ANKHD1: variants seen among roughly 807,000 people sequenced by gnomAD.
ANKHD1 encodes the protein ankyrin repeat and KH domain-containing protein 1.
ANKHD1 carries 31 observed loss-of-function variants against 230.5 expected under a neutral mutation model. That is an observed-to-expected ratio of 0.13 (90% CI 0.10 to 0.18). ANKHD1 has a LOEUF of 0.18. Ranked by LOEUF, ANKHD1 falls within the 10% of genes least tolerant of loss-of-function variation. The pLI is 1.00. For synonymous variants in ANKHD1, 1,074 were observed against 1,117.6 expected (o/e 0.96, Z 0.78); for missense variants, 2,256 against 3,071.3 (o/e 0.73, Z 6.27).
Position 140,402,016 on chromosome 5 carries a change from G to A in ANKHD1, c.49G>A (p.Asp17Asn). Residue 17 changes from aspartate to asparagine, a missense_variant, in exon 1 of 34, where the codon GAC becomes AAC. Asp to Asn is a conservative substitution (Grantham distance 23, BLOSUM62 1). Around this residue, in one of 13 missense-constraint regions of ANKHD1, gnomAD observed 193 missense variants for 185.8 expected, o/e 1.04. Transcript: ENST00000360839. ...CGGCACCTCCTTTGAGGAGGACCTG[G>A]ACTCTGTGGCTCCGCGATCCGCCCC... ...GGGTSFEEDL[D>N]SVAPRSAPAG... 2.0e-6 allele frequency: 3 copies of A among 1,524,034 alleles called. No homozygotes were observed. The highest frequency in any genetic ancestry group is 8.8e-7 in the Non-Finnish European group (1 of 1,142,796). 94.4% of individuals were successfully genotyped at this position (1,524,034 alleles called of 1,614,324 possible). A position where few individuals can be genotyped will look rare whatever the true frequency, so the allele number is the denominator to read the frequency against.
chr5:140,510,106 G>A lies in ANKHD1; in HGVS notation c.4029G>A (p.Leu1343=), dbSNP rs1282540865. Residue 1343 remains leucine (L), a synonymous_variant, in exon 22 of 34, where the codon TTG becomes TTA. Coordinates refer to ENST00000360839, the MANE Select transcript of ANKHD1 (RefSeq NM_017747.3). ...GAGGTCATTTTGATGTTGTGCAGTTGCTAGTGCAAGCAGGTGCTGATGTGG... is the reference window on the plus strand; with the variant it reads ...GAGGTCATTTTGATGTTGTGCAGTTACTAGTGCAAGCAGGTGCTGATGTGG... The part of the protein sequence containing the change: ...SNGGHFDVVQ[L]LVQAGADVDA... The A allele has an allele frequency of 1.2e-6, 2 of 1,613,972 alleles. No individual in the cohort carries two copies. Among genetic ancestry groups the A allele is most frequent in the Non-Finnish European group, 1.7e-6 (2 of 1,180,008 alleles).
At position 140,525,576 on chromosome 5, in the gene ANKHD1, A is replaced by C. The variant is rs10434718; in HGVS notation, c.4493-420A>C. Among the ~76,000 whole-genome samples the C allele has an allele frequency of 1.2e-3, 187 of 152,232 alleles. 4 individuals are homozygous for C. In the East Asian group the frequency reaches 0.029, roughly 24 times the overall value. ...CCACTGCACCTGGCCACAGTAAAAG[A>C]TTTCTTTATTTCAGCTGGGCGCAGT... On this transcript the variant is annotated intron_variant, in intron 25 of 33. Transcript: ENST00000360839.
At chr5:140,454,452 A>G (rs1272989618) in intron 7 of ANKHD1, among the ~76,000 whole-genome samples, 1 of 152,240 alleles carries the variant, frequency 6.6e-6, no homozygotes, top group Non-Finnish European at 1.5e-5. Flanking sequence ...AATTGACCAC[A>G]TAGTTGGAAG....
Position 140,507,643 on chromosome 5 carries a change from T to G in ANKHD1, c.3552-142T>G. On this transcript the variant is annotated intron_variant, in intron 19 of 33. Transcript: ENST00000360839. The surrounding 1 kb of genome is among the most constrained non-coding windows in gnomAD (Gnocchi z 4.1). ...TTTAAATTGTGACATTTTCTTATTC[T>G]TTATTATTGGTCGAAACAAGTAAAA... 1 of 1,059,084 alleles carries G rather than the reference T, an allele frequency of 9.4e-7. No individual in the cohort carries two copies. Among genetic ancestry groups the G allele is most frequent in the Non-Finnish European group, 1.3e-6 (1 of 752,046 alleles). The allele number at this position is 1,059,084 out of a possible 1,614,324, so 65.6% of individuals were successfully genotyped here. A position where few individuals can be genotyped will look rare whatever the true frequency, so the allele number is the denominator to read the frequency against.
rs772795849 is a variant in ANKHD1 at position 140,539,380 on chromosome 5, C to T, written c.7591C>T (p.Pro2531Ser). 12 of 1,613,810 alleles carry T rather than the reference C, an allele frequency of 7.4e-6. No homozygotes were observed. In the African/African-American group the frequency reaches 1.2e-4, roughly 16 times the overall value. ...TCAGATTTGGCCTGGCACGTGGGCACCTCATATTGGAAACATGCATCTCAA... is the reference window on the plus strand; with the variant it reads ...TCAGATTTGGCCTGGCACGTGGGCATCTCATATTGGAAACATGCATCTCAA... ...AQQIWPGTWA[P>S]HIGNMHLKYV... is the part of the protein sequence containing the mutation. The change falls in exon 34 of 34, where the codon CCT (proline) becomes TCT (serine). Residue 2531 changes from proline (P) to serine (S), a missense_variant. Physicochemically the swap from Pro to Ser is moderately conservative, Grantham distance 74 (BLOSUM62 -1). This residue lies in a region of ANKHD1 where 778 missense variants were observed against 966.5 expected (regional missense o/e 0.80). Transcript: ENST00000360839.
At chr5:140,475,049 C>A (rs1320095997) in intron 10 of ANKHD1, among the ~76,000 whole-genome samples, 1 of 152,158 alleles carries the variant, frequency 6.6e-6, no homozygotes, top group Non-Finnish European at 1.5e-5. Context: ...CTATGGAATA[C>A]ACAAAACTCC....
In ANKHD1 at chr5:140,509,477, A is replaced by G. The variant is rs1452990606; in HGVS notation, c.3766-160A>G. ...CTGCTGTTTAGTAAAATTCAAGGCA[A>G]AATATTGCTTAGCTCTTTTATGAGA... On this transcript the variant is annotated intron_variant, in intron 20 of 33. Transcript: ENST00000360839. Among the ~76,000 whole-genome samples the G allele has an allele frequency of 2.0e-5, 3 of 152,346 alleles. No individual in the cohort carries two copies. The East Asian group carries it at 5.8e-4, about 29-fold the overall frequency.
At chr5:140,462,996 C>T (rs1281050718) in intron 9 of ANKHD1, among the ~76,000 whole-genome samples, 1 of 151,956 alleles carries the variant, frequency 6.6e-6, no homozygotes, top group African/African-American at 2.4e-5. Flanking sequence ...CAGGCATACA[C>T]CACTATGCCC....
In ANKHD1 at chr5:140,493,670, A is replaced by G. The variant is rs562136741; in HGVS notation, c.2246-2850A>G. Among the ~76,000 whole-genome samples, 85 of 152,240 alleles carry G rather than the reference A, an allele frequency of 5.6e-4. 1 individual carries two copies. Among genetic ancestry groups the G allele is most frequent in the Non-Finnish European group, 9.7e-4 (66 of 68,018 alleles). On this transcript the variant is annotated intron_variant, in intron 14 of 33. Coordinates refer to ENST00000360839, the MANE Select transcript of ANKHD1 (RefSeq NM_017747.3). ...TAGTCCTTTGATGTGTCTTTAGGCA[A>G]TTCCACTAACTCCATGGCTATTTTG...
intron 7 of ANKHD1, among the ~76,000 whole-genome samples, chr5:140,449,586 C>T (rs184610996): frequency 2.1e-4 from 32 of 150,830 alleles, no homozygotes; most frequent in African/African-American, 7.1e-4. Context: ...CGCTTGAACC[C>T]GGGAGATGGA....
At chr5:140,505,937 A>G (rs1253802307) in intron 18 of ANKHD1, 68 bp downstream of exon 18, 1 of 1,511,814 alleles carries the variant, frequency 6.6e-7, no homozygotes, top group Non-Finnish European at 8.8e-7. Context: ...TATGATTCGT[A>G]TTTTAGCTAC....
chr5:140,525,259 G>T lies in ANKHD1; in HGVS notation c.4493-737G>T, dbSNP rs148746611. Among the ~76,000 whole-genome samples the T allele has an allele frequency of 1.9e-3, 295 of 152,104 alleles. 2 individuals are homozygous for T. The highest frequency in any genetic ancestry group is 6.2e-3 in the African/African-American group (257 of 41,530). On this transcript the variant is annotated intron_variant, in intron 25 of 33. Transcript: ENST00000360839. Reference sequence around the variant, plus strand: ...TATTTATTAGGCTAACAAGAGCAAAGATTTTTTTTGTGTGTTTTTTTGAGA... The same window carrying T: ...TATTTATTAGGCTAACAAGAGCAAATATTTTTTTTGTGTGTTTTTTTGAGA...
chr5:140,468,751 G>A (rs1184660670), intron 10 of ANKHD1, among the ~76,000 whole-genome samples: 3 of 152,088 alleles, frequency 2.0e-5, no homozygotes, highest in Non-Finnish European at 4.4e-5. Context: ...CAGGTACCCA[G>A]TGTTCTGTAT....
intron 24 of ANKHD1, among the ~76,000 whole-genome samples, chr5:140,518,286 G>T (rs1414755958): frequency 6.6e-6 from 1 of 152,046 alleles, no homozygotes; most frequent in East Asian, 1.9e-4. Flanking sequence ...TGAAATTGTG[G>T]CAATAATCAA....
intron 29 of ANKHD1, among the ~76,000 whole-genome samples, chr5:140,531,675 C>G (rs1305170329): frequency 2.0e-5 from 3 of 152,088 alleles, no homozygotes; most frequent in Non-Finnish European, 2.9e-5. Flanking sequence ...AATGGTACAT[C>G]TGCTTTGGAA....
At chr5:140,503,553 C>CTTTTTTTTTTTTTTTTTTTTT (rs70988767) in intron 15 of ANKHD1, among the ~76,000 whole-genome samples, 1 of 51,418 alleles carries the variant, frequency 1.9e-5, no homozygotes, top group Non-Finnish European at 3.3e-5. Flanking sequence ...AGTTTTCTTT[C>CTTTTTTTTTTTTTTTTTTTTT]TTTTTTTTTT....
intron 1 of ANKHD1, among the ~76,000 whole-genome samples, chr5:140,405,718 C>T (rs554033420): frequency 7.9e-5 from 12 of 152,184 alleles, no homozygotes; most frequent in African/African-American, 2.4e-4. Context: ...CTGCAACCTC[C>T]GCCTCCTGGG....
intron 4 of ANKHD1, 137 bp downstream of exon 4, chr5:140,440,403 G>T: frequency 8.5e-6 from 11 of 1,292,198 alleles, no homozygotes; most frequent in Non-Finnish European, 1.1e-5. Flanking sequence ...TTTTGGTAGT[G>T]GGTAAAGTAG....
intron 1 of ANKHD1, among the ~76,000 whole-genome samples, chr5:140,403,407 G>A (rs1770149998): frequency 6.6e-6 from 1 of 151,708 alleles, no homozygotes. Context: ...GGGGAAAAAG[G>A]GGCGGGTTTT....
Sources: allele counts gnomAD v4.1 joint callset (sites outside exome capture counted in the v4.1 genomes callset), GRCh38; gene constraint gnomAD v4.1.1; regional missense constraint gnomAD v4.1.1; non-coding constraint Gnocchi (gnomAD v3.1); transcripts MANE v1.5; gene names NCBI Gene and HGNC (gene_info 2026-07-23, HGNC 2026-07-21).